CREB5: variants seen among roughly 807,000 people sequenced by gnomAD.
CREB5 encodes cAMP responsive element binding protein 5.
A neutral mutation model predicts 57.1 loss-of-function variants in CREB5; 19 were observed. The ratio of observed to expected loss-of-function variants is 0.33; its 90% CI spans 0.23 to 0.49. The LOEUF is 0.49. CREB5 is among the 20% of genes least tolerant of loss of function. The pLI is 0.99. For synonymous variants in CREB5, 238 were observed against 238.3 expected, an observed-to-expected ratio of 1.00 and a Z score of 0.01; for missense variants, 579 against 671.6, an observed-to-expected ratio of 0.86 and a Z score of 1.52.
chr7:28,575,534 T>C (rs1300943315), intron 5 of CREB5, among the ~76,000 whole-genome samples: 1 of 152,226 alleles, frequency 6.6e-6, no homozygotes, highest in Non-Finnish European at 1.5e-5. Context: ...TGTCGCTATC[T>C]ACCACAGGCT....
chr7:28,642,987 TACACAC>T (rs1179446048), intron 5 of CREB5, among the ~76,000 whole-genome samples: 73 of 98,386 alleles, frequency 7.4e-4, no homozygotes, highest in Middle Eastern at 5.3e-3. Context: ...CACACACACA[TACACAC>T]ACACACACAC....
At chr7:28,474,943 A>T (rs1320541447) in intron 1 of CREB5, among the ~76,000 whole-genome samples, 1 of 152,174 alleles carries the variant, frequency 6.6e-6, no homozygotes, top group Non-Finnish European at 1.5e-5. Flanking sequence ...ATAGGATGTG[A>T]TGGTATGTGA....
rs184582098 is a variant in CREB5, at chr7:28,516,142, T to A, written c.291+8405T>A. On this transcript the variant is annotated intron_variant, in intron 4 of 10. Transcript: ENST00000357727. ...GGCAGGAGGGTTGCTTGAGCCCAGG[T>A]GTTCAAGGCTGCAGAGAACTGTGAT... is the stretch of plus-strand genomic sequence containing the variant. 1.4e-4 allele frequency among the ~76,000 whole-genome samples: 21 copies of A among 152,026 alleles called. No homozygotes were observed. In the East Asian group the frequency reaches 4.1e-3, roughly 29 times the overall value.
At chr7:28,787,404 G>A (rs1465951340) in intron 7 of CREB5, among the ~76,000 whole-genome samples, 1 of 152,202 alleles carries the variant, frequency 6.6e-6, no homozygotes, top group Non-Finnish European at 1.5e-5. Context: ...CAGGAGGCAT[G>A]GGTTCTAATA....
intron 4 of CREB5, among the ~76,000 whole-genome samples, chr7:28,511,954 G>A (rs1792719282): frequency 6.6e-6 from 1 of 152,218 alleles, no homozygotes; most frequent in Admixed American, 6.5e-5. Context: ...GGCTCAAGGT[G>A]GAGATGGAGG....
intron 5 of CREB5, among the ~76,000 whole-genome samples, chr7:28,648,618 C>T (rs758614253): frequency 6.6e-6 from 1 of 151,800 alleles, no homozygotes; most frequent in Non-Finnish European, 1.5e-5. Flanking sequence ...GGTGCATGCC[C>T]GTAGTCTCAG....
intron 1 of CREB5, among the ~76,000 whole-genome samples, chr7:28,299,901 T>G (rs1785070311): frequency 6.6e-6 from 1 of 152,186 alleles, no homozygotes; most frequent in Non-Finnish European, 1.5e-5. Flanking sequence ...ATCTACATGT[T>G]GCGTATTGTA....
intron 7 of CREB5, among the ~76,000 whole-genome samples, chr7:28,773,011 A>C (rs985497496): frequency 1.3e-5 from 2 of 152,216 alleles, no homozygotes; most frequent in Non-Finnish European, 2.9e-5. Flanking sequence ...TAAGGATTAA[A>C]TATGTGACTA....
In CREB5 at chr7:28,819,296, T is replaced by C. The variant is rs1260031601; in HGVS notation, c.*17T>C. On this transcript the variant is annotated 3_prime_UTR_variant, in exon 11 of 11. Coordinates refer to ENST00000357727, the MANE Select transcript of CREB5 (RefSeq NM_182898.4). ...ATTCTTTAAAATGCACCATCAGACC[T>C]GGCCTCCAAGAAGAGCTGTAGCGTA... is the stretch of plus-strand genomic sequence containing the variant. The C allele has an allele frequency of 6.2e-7, 1 of 1,610,070 alleles. No individual in the cohort carries two copies. The highest frequency in any genetic ancestry group is 8.5e-7 in the Non-Finnish European group (1 of 1,178,062).
At chr7:28,304,382 C>G (rs1373244360) in intron 1 of CREB5, among the ~76,000 whole-genome samples, 4 of 152,198 alleles carry the variant, frequency 2.6e-5, no homozygotes, top group Non-Finnish European at 4.4e-5. Flanking sequence ...ATGTTCTTCA[C>G]AAGTAAGCAA....
rs1024924971 is a variant in CREB5, at chr7:28,823,236, A to C, written c.*3957A>C. The C allele has an allele frequency of 6.6e-6, 1 of 152,614 alleles. No homozygotes were observed. The highest frequency in any genetic ancestry group is 1.5e-5 in the Non-Finnish European group (1 of 68,036). 9.5% of individuals were successfully genotyped at this position (152,614 alleles called of 1,614,324 possible). A position where few individuals can be genotyped will look rare whatever the true frequency, so the allele number is the denominator to read the frequency against. ...GTTTCTTTCTGGTTAAAAAAAGGAA[A>C]AACCATCTAAGAAAATATATATGTA... On this transcript the variant is annotated 3_prime_UTR_variant, in exon 11 of 11. Coordinates refer to ENST00000357727, the MANE Select transcript of CREB5 (RefSeq NM_182898.4).
At chr7:28,772,192 G>A (rs1806361916) in intron 7 of CREB5, among the ~76,000 whole-genome samples, 1 of 152,178 alleles carries the variant, frequency 6.6e-6, no homozygotes, top group African/African-American at 2.4e-5. Context: ...TCTCTCTTTA[G>A]AGAGACTCTG....
At chr7:28,404,474 G>A (rs1219634600) in intron 1 of CREB5, among the ~76,000 whole-genome samples, 1 of 152,096 alleles carries the variant, frequency 6.6e-6, no homozygotes, top group African/African-American at 2.4e-5. Context: ...CATGCACCTT[G>A]GGTCCACTGG....
chr7:28,363,459 C>T (rs937895462), intron 1 of CREB5, among the ~76,000 whole-genome samples: 9 of 151,940 alleles, frequency 5.9e-5, no homozygotes, highest in African/African-American at 2.2e-4. Flanking sequence ...CAACCTGCTG[C>T]CTTCTTGTCC....
intron 5 of CREB5, among the ~76,000 whole-genome samples, chr7:28,663,519 T>A (rs528019893): frequency 6.6e-6 from 1 of 152,130 alleles, no homozygotes. Flanking sequence ...TGTCCCCTTT[T>A]GAGTGAAGGC....
intron 7 of CREB5, among the ~76,000 whole-genome samples, chr7:28,739,235 A>C (rs1451188487): frequency 1.3e-5 from 2 of 152,212 alleles, no homozygotes; most frequent in African/African-American, 4.8e-5. Flanking sequence ...ATAAAATAAA[A>C]TTTAAAAATC....
intron 1 of CREB5, among the ~76,000 whole-genome samples, chr7:28,423,507 C>T (rs1175775507): frequency 6.6e-6 from 1 of 152,090 alleles, no homozygotes; most frequent in Non-Finnish European, 1.5e-5. Flanking sequence ...GTGCCAGATT[C>T]AAAAGCCATG....
At chr7:28,322,371 T>C (rs1785508841) in intron 1 of CREB5, among the ~76,000 whole-genome samples, 1 of 152,190 alleles carries the variant, frequency 6.6e-6, no homozygotes, top group East Asian at 1.9e-4. Flanking sequence ...CAGAGTCCAT[T>C]TAGCAAGCTG....
intron 6 of CREB5, among the ~76,000 whole-genome samples, chr7:28,723,365 G>A (rs942771509): frequency 5.3e-5 from 8 of 152,106 alleles, no homozygotes; most frequent in Non-Finnish European, 1.2e-4. Flanking sequence ...TTCTTAGTAC[G>A]AGCACCCTGG....
Sources: gnomAD v4.1 joint callset for allele counts (sites outside exome capture counted in the v4.1 genomes callset) on GRCh38, gnomAD v4.1.1 for gene constraint, MANE v1.5 for transcripts, NCBI Gene and HGNC (gene_info 2026-07-23, HGNC 2026-07-21) for gene names.